OPRM1: variants seen among roughly 807,000 people sequenced by gnomAD.
The protein encoded by OPRM1 is mu-type opioid receptor.
In OPRM1, 27 loss-of-function variants were observed where a neutral mutation model predicts 31.8. The ratio of observed to expected loss-of-function variants is 0.85; its 90% CI spans 0.63 to 1.17. The LOEUF is 1.17. Among genes scored for constraint, OPRM1 ranks in the 50% most tolerant of loss-of-function variants. The probability of loss-of-function intolerance (pLI) is 0.00; values close to 1 mark genes in which losing one functional copy is unlikely to be tolerated. For missense variants in OPRM1, 536 were observed against 511.1 expected, an observed-to-expected ratio of 1.05 and a Z score of -0.47; for synonymous variants, 196 against 189.9, an observed-to-expected ratio of 1.03 and a Z score of -0.26.
intron 3 of OPRM1, among the ~76,000 whole-genome samples, chr6:154,172,082 T>C (rs1799918353): frequency 6.6e-6 from 1 of 152,208 alleles, no homozygotes; most frequent in African/African-American, 2.4e-5. Context: ...AGAAAACAAC[T>C]TACCAATTGA....
chr6:154,212,799 G>A (rs766686514), intron 3 of OPRM1: 3 of 1,613,574 alleles, frequency 1.9e-6, no homozygotes, highest in Middle Eastern at 1.7e-4. Flanking sequence ...GCGTGAGGAG[G>A]GGGTGGTGTC....
downstream of OPRM1, among the ~76,000 whole-genome samples, chr6:154,132,856 T>G (rs1056499359): frequency 1.3e-5 from 2 of 152,158 alleles, no homozygotes; most frequent in Non-Finnish European, 2.9e-5. Context: ...GCGTGGTGGC[T>G]CACGCCTGTA....
intron 3 of OPRM1, among the ~76,000 whole-genome samples, chr6:154,116,707 A>G (rs1034312123): frequency 6.6e-6 from 1 of 152,152 alleles, no homozygotes; most frequent in Admixed American, 6.5e-5. Flanking sequence ...TATCTCAATG[A>G]CATAATTTGC....
At chr6:154,065,281 C>T (rs1031556399) in intron 1 of OPRM1, among the ~76,000 whole-genome samples, 1 of 151,822 alleles carries the variant, frequency 6.6e-6, no homozygotes, top group African/African-American at 2.4e-5. Flanking sequence ...TCCCAAGTAG[C>T]TGGGACTACA....
chr6:154,155,904 C>T (rs1044511199), intron 3 of OPRM1: 12 of 152,132 alleles, frequency 7.9e-5, no homozygotes, highest in African/African-American at 2.9e-4. Flanking sequence ...GAATCTGTTT[C>T]ATCTCTGTGA....
chr6:154,037,199 A>G (rs1779355998), upstream of OPRM1, among the ~76,000 whole-genome samples: 1 of 152,048 alleles, frequency 6.6e-6, no homozygotes, highest in Admixed American at 6.5e-5. Flanking sequence ...GTAATCAAAC[A>G]CTATTGTATC....
intron 1 of OPRM1, among the ~76,000 whole-genome samples, chr6:154,076,201 T>C (rs894764964): frequency 6.6e-6 from 1 of 152,200 alleles, no homozygotes; most frequent in African/African-American, 2.4e-5. Context: ...AGAGATCATT[T>C]TTAATAACCT....
At chr6:154,223,338 G>T in intron 3 of OPRM1, 1 of 955,326 alleles carries the variant, frequency 1.0e-6, no homozygotes, top group Non-Finnish European at 1.6e-6. Context: ...TGGTATAAAT[G>T]ACATGAGGGA....
chr6:154,236,330 G>T (rs1780129206), intron 3 of OPRM1, among the ~76,000 whole-genome samples: 1 of 152,170 alleles, frequency 6.6e-6, no homozygotes, highest in Admixed American at 6.5e-5. Context: ...CTTATAGGAG[G>T]GAACTACAGT....
chr6:154,104,745 ATAAT>A (rs1795342927), intron 3 of OPRM1, among the ~76,000 whole-genome samples: 1 of 152,232 alleles, frequency 6.6e-6, no homozygotes, highest in African/African-American at 2.4e-5. Context: ...TGCAGCAAGA[ATAAT>A]TATTTTTCAC....
At chr6:154,207,170 G>A (rs1194776417) in intron 3 of OPRM1, among the ~76,000 whole-genome samples, 1 of 152,234 alleles carries the variant, frequency 6.6e-6, no homozygotes, top group African/African-American at 2.4e-5. Flanking sequence ...AGGCAGGAGA[G>A]AGGCTGGGGG....
At chr6:154,196,103 T>C (rs1776606246) in intron 3 of OPRM1, among the ~76,000 whole-genome samples, 2 of 152,186 alleles carry the variant, frequency 1.3e-5, no homozygotes, top group African/African-American at 4.8e-5. Context: ...CTGGTTCACA[T>C]TTTATTCACT....
In OPRM1 at chr6:154,039,533, G is replaced by A; in HGVS notation, c.-12G>A. ...TACCTCGCACAGCGGTGCCCGCCCG[G>A]CCGTCAGTACCATGGACAGCAGCGC... is the stretch of plus-strand genomic sequence containing the variant. On this transcript the variant is annotated 5_prime_UTR_variant, in exon 1 of 4. Coordinates refer to ENST00000330432, the MANE Select transcript of OPRM1 (RefSeq NM_000914.5). 2 of 1,604,594 alleles carry A rather than the reference G, an allele frequency of 1.2e-6. No homozygotes were observed. The highest frequency in any genetic ancestry group is 1.7e-5 in the Admixed American group (1 of 58,502).
chr6:154,039,313 G>A lies in OPRM1; in HGVS notation c.-232G>A, dbSNP rs1489944200. ...TGCAGCGGTGCGGGGCAGGTGATGA[G>A]CCTCTGTGAACTACTAAGGTGGGAG... is the stretch of plus-strand genomic sequence containing the variant. On this transcript the variant is annotated 5_prime_UTR_variant, in exon 1 of 4. Coordinates refer to ENST00000330432, the MANE Select transcript of OPRM1 (RefSeq NM_000914.5). The A allele has an allele frequency of 1.3e-6, 2 of 1,550,764 alleles. No individual in the cohort carries two copies. Among genetic ancestry groups the A allele is most frequent in the Non-Finnish European group, 1.7e-6 (2 of 1,146,604 alleles).
chr6:154,191,691 CAA>C, intron 3 of OPRM1, among the ~76,000 whole-genome samples: 1 of 151,134 alleles, frequency 6.6e-6, no homozygotes, highest in South Asian at 2.1e-4. Flanking sequence ...ACAACAACAA[CAA>C]CAACAACAAC....
chr6:154,244,773 C>T (rs997910537), intron 3 of OPRM1, among the ~76,000 whole-genome samples: 1 of 152,184 alleles, frequency 6.6e-6, no homozygotes. Flanking sequence ...GGACAGCAGC[C>T]AGAACATATT....
chr6:154,138,941 T>C (rs1184049471), intron 3 of OPRM1, among the ~76,000 whole-genome samples: 1 of 152,208 alleles, frequency 6.6e-6, no homozygotes, highest in African/African-American at 2.4e-5. Context: ...CCAGCCCATC[T>C]GATCTTGTGA....
intron 1 of OPRM1, among the ~76,000 whole-genome samples, chr6:154,017,848 T>A (rs67921534): frequency 0.066 from 9,988 of 151,738 alleles, 476 homozygotes; most frequent in African/African-American, 0.13. Flanking sequence ...TAAGTGGAAG[T>A]GATATGTTAC....
At chr6:154,036,595 A>G (rs1418215314), upstream of OPRM1, among the ~76,000 whole-genome samples, 1 of 151,996 alleles carries the variant, frequency 6.6e-6, no homozygotes, top group Non-Finnish European at 1.5e-5. Context: ...TGGCTAGTCC[A>G]TAAGTCTATA....
Sources: gnomAD v4.1 joint callset for allele counts (sites outside exome capture counted in the v4.1 genomes callset) on GRCh38, gnomAD v4.1.1 for gene constraint, MANE v1.5 for transcripts, NCBI Gene and HGNC (gene_info 2026-07-23, HGNC 2026-07-21) for gene names.